The following EXD3 variants were observed in gnomAD, a reference collection of about 807,000 sequenced individuals.
The protein encoded by EXD3 is exonuclease 3'-5' domain containing 3, also known as exonuclease mut-7 homolog.
A neutral mutation model predicts 98.0 loss-of-function variants in EXD3; 92 were observed. The observed-to-expected ratio is 0.94, with a 90% confidence interval of 0.79 to 1.12. The LOEUF (loss-of-function observed/expected upper bound fraction) is 1.12. EXD3 is among the 50% of genes most tolerant of loss of function. The pLI, the probability that EXD3 is intolerant of heterozygous loss-of-function variation, is 0.00. For missense variants in EXD3, 1,222 were observed against 1,191.6 expected (o/e 1.03, Z -0.38); for synonymous variants, 569 against 526.0 (o/e 1.08, Z -1.12).
At chr9:137,316,142 G>T (rs1222409058) in intron 19 of EXD3, among the ~76,000 whole-genome samples, 2 of 151,558 alleles carry the variant, frequency 1.3e-5, no homozygotes, top group African/African-American at 4.8e-5. Flanking sequence ...CGGGGGAGGG[G>T]CGGCGGCCGT....
At chr9:137,413,090 T>C (rs1821720658) in intron 1 of EXD3, among the ~76,000 whole-genome samples, 1 of 152,166 alleles carries the variant, frequency 6.6e-6, no homozygotes, top group Non-Finnish European at 1.5e-5. Flanking sequence ...CCTCAGTAAC[T>C]GCTCTATAAC....
intron 1 of EXD3, among the ~76,000 whole-genome samples, chr9:137,397,935 CCT>C (rs68100428): frequency 0.28 from 41,778 of 151,836 alleles, 6,332 homozygotes; most frequent in Non-Finnish European, 0.36. Context: ...AGAGCGAGAC[CCT>C]GTCTCAAGAA....
intron 19 of EXD3, among the ~76,000 whole-genome samples, chr9:137,319,909 C>T (rs1301361162): frequency 3.3e-5 from 5 of 152,192 alleles, no homozygotes; most frequent in African/African-American, 1.2e-4. Context: ...TGCTAGGGCC[C>T]AGCAGGGTCC....
chr9:137,340,514 T>C (rs929310995), intron 17 of EXD3, among the ~76,000 whole-genome samples: 1 of 151,796 alleles, frequency 6.6e-6, no homozygotes, highest in Non-Finnish European at 1.5e-5. Context: ...TATTCATGAA[T>C]AGAAGACTCA....
At chr9:137,392,118 C>G (rs1820709618) in intron 2 of EXD3, 1 of 152,370 alleles carries the variant, frequency 6.6e-6, no homozygotes, top group Non-Finnish European at 1.5e-5. Flanking sequence ...CAGGCGTGAG[C>G]CACCATAATC....
rs1837172875 is a variant in EXD3 at position 137,395,537 on chromosome 9, T to G, written c.-47-133A>C. On this transcript the variant is annotated intron_variant, in intron 1 of 21. Coordinates refer to ENST00000340951, the MANE Select transcript of EXD3 (RefSeq NM_017820.5). This position sits in a 1 kb window ranked among gnomAD's most constrained non-coding sequence, Gnocchi z 6.5. ...GGGCCCAAGTGGGACCCCCAGTCGCTGAGCATAGCGGGCAGCTCCACACTC... is the reference window on the plus strand; with the variant it reads ...GGGCCCAAGTGGGACCCCCAGTCGCGGAGCATAGCGGGCAGCTCCACACTC... 2 of 785,058 alleles carry G rather than the reference T, an allele frequency of 2.5e-6. No homozygotes were observed. Among genetic ancestry groups the G allele is most frequent in the Non-Finnish European group, 4.1e-6 (2 of 493,316 alleles). 48.6% of individuals were successfully genotyped at this position (785,058 alleles called of 1,614,324 possible).
intron 1 of EXD3, among the ~76,000 whole-genome samples, chr9:137,419,920 G>A (rs1207723498): frequency 6.6e-6 from 1 of 152,182 alleles, no homozygotes; most frequent in Non-Finnish European, 1.5e-5. Context: ...AGCACTTTGG[G>A]AGGCCAAGGC....
intron 2 of EXD3, among the ~76,000 whole-genome samples, chr9:137,388,204 T>TC (rs149753969): frequency 0.1 from 15,374 of 151,800 alleles, 736 homozygotes; most frequent in Middle Eastern, 0.12. Flanking sequence ...CACACTGGCT[T>TC]CCCCCCCAGC....
intron 19 of EXD3, among the ~76,000 whole-genome samples, chr9:137,315,063 G>T (rs961536480): frequency 1.3e-5 from 2 of 152,162 alleles, no homozygotes; most frequent in African/African-American, 2.4e-5. Context: ...CAGCTCCCTT[G>T]GAATGTGCCC....
chr9:137,319,518 A>T (rs1399045360), intron 19 of EXD3, among the ~76,000 whole-genome samples: 3 of 152,090 alleles, frequency 2.0e-5, no homozygotes, highest in Admixed American at 2.0e-4. Context: ...GTGCTGCTGG[A>T]GTGGGTGGTG....
At chr9:137,311,634 G>C (rs1316534774) in intron 19 of EXD3, among the ~76,000 whole-genome samples, 1 of 152,186 alleles carries the variant, frequency 6.6e-6, no homozygotes, top group Non-Finnish European at 1.5e-5. Flanking sequence ...GTTTTCCCAC[G>C]GCTGCTGCCC....
intron 7 of EXD3, among the ~76,000 whole-genome samples, chr9:137,362,744 T>C (rs1452499336): frequency 1.3e-5 from 2 of 152,158 alleles, no homozygotes; most frequent in Non-Finnish European, 2.9e-5. Context: ...TAACAGTCCT[T>C]TATCCCACAT....
intron 1 of EXD3, among the ~76,000 whole-genome samples, chr9:137,399,427 C>CGAA (rs1837380590): frequency 6.6e-6 from 1 of 152,208 alleles, no homozygotes; most frequent in Non-Finnish European, 1.5e-5. Flanking sequence ...TTTGTCTTCT[C>CGAA]ATCTTTCCTT....
rs1250223051 is a variant in EXD3, at chr9:137,348,644, G to A, written c.1831-406C>T. 9.9e-4 allele frequency among the ~76,000 whole-genome samples: 87 copies of A among 87,772 alleles called. 1 individual carries two copies. The highest frequency in any genetic ancestry group is 4.3e-3 in the African/African-American group (73 of 17,144). The allele number at this position is 87,772 out of a possible 152,430, so 57.6% of individuals were successfully genotyped here. A position where few individuals can be genotyped will look rare whatever the true frequency, so the allele number is the denominator to read the frequency against. Reference sequence around the variant, plus strand: ...TAGACAGAGAGGGGTGGGGATCATGGGGAGGGGGCTAGATAGAGAGGGGTG... The same window carrying A: ...TAGACAGAGAGGGGTGGGGATCATGAGGAGGGGGCTAGATAGAGAGGGGTG... On this transcript the variant is annotated intron_variant, in intron 16 of 21. Transcript: ENST00000340951.
At chr9:137,415,048 C>T (rs2131834502) in intron 1 of EXD3, among the ~76,000 whole-genome samples, 1 of 151,738 alleles carries the variant, frequency 6.6e-6, no homozygotes, top group East Asian at 2.0e-4. Context: ...CCACCACGCC[C>T]AGCTAATTTT....
At chr9:137,413,358 G>A (rs1838091356) in intron 1 of EXD3, among the ~76,000 whole-genome samples, 1 of 151,750 alleles carries the variant, frequency 6.6e-6, no homozygotes, top group Non-Finnish European at 1.5e-5. Context: ...CTGCCACCAC[G>A]CCCGGCTAAT....
intron 1 of EXD3, among the ~76,000 whole-genome samples, chr9:137,398,720 TCCCCAAGACACACAGGCACCCGC>T: frequency 1.9e-5 from 2 of 107,518 alleles, no homozygotes; most frequent in Non-Finnish European, 4.2e-5. Flanking sequence ...TGCACCCGCA[TCCCCAAGACACACAGGCACCCGC>T]GTCCCCGAGA....
chr9:137,369,975 G>A (rs1835507036), intron 5 of EXD3, among the ~76,000 whole-genome samples: 1 of 152,236 alleles, frequency 6.6e-6, no homozygotes, highest in African/African-American at 2.4e-5. Flanking sequence ...CCCAGCATCT[G>A]TGTCCACATT....
At chr9:137,340,516 G>A (rs1833593871) in intron 17 of EXD3, among the ~76,000 whole-genome samples, 1 of 151,816 alleles carries the variant, frequency 6.6e-6, no homozygotes, top group Non-Finnish European at 1.5e-5. Flanking sequence ...TTCATGAATA[G>A]AAGACTCAAT....
Sources: allele counts gnomAD v4.1 joint callset (sites outside exome capture counted in the v4.1 genomes callset), GRCh38; gene constraint gnomAD v4.1.1; non-coding constraint Gnocchi (gnomAD v3.1); transcripts MANE v1.5; gene names NCBI Gene and HGNC (gene_info 2026-07-23, HGNC 2026-07-21).